GXYLT2: variants seen among roughly 807,000 people sequenced by gnomAD.
GXYLT2 encodes glycosyltransferase 8 domain containing 4.
In GXYLT2, 53 loss-of-function variants were observed where a neutral mutation model predicts 45.8. That is an observed-to-expected ratio of 1.16 (90% CI 0.93 to 1.46). The LOEUF (loss-of-function observed/expected upper bound fraction) is 1.46, where lower values mean the gene tolerates loss of function less well. Ranked by LOEUF, GXYLT2 falls within the 40% of genes most tolerant of loss-of-function variation. The pLI, the probability that GXYLT2 is intolerant of heterozygous loss-of-function variation, is 0.00. For synonymous variants in GXYLT2, 219 were observed against 214.2 expected (o/e 1.02, Z -0.19); for missense variants, 551 against 544.4 (o/e 1.01, Z -0.12).
rs1444705547 is a variant in GXYLT2 at position 72,911,956 on chromosome 3, GGTGTGTGTGTGTGTGTGTGCATGT to G, written c.468+3412_468+3435del. On this transcript the variant is annotated intron_variant, in intron 2 of 6. Transcript: ENST00000389617. ...TTAAATGTATATAATATATAAGTTGGGTGTGTGTGTGTGTGTGTGCATGTGTGTGTGTGTGTGTATATATATATA... is the reference window on the plus strand; with the variant it reads ...TTAAATGTATATAATATATAAGTTGGGTGTGTGTGTGTGTATATATATATA... 4.4e-5 allele frequency among the ~76,000 whole-genome samples: 6 copies of G among 136,402 alleles called. No homozygotes were observed. The East Asian group carries it at 1.2e-3, about 28-fold the overall frequency. 89.5% of individuals were successfully genotyped at this position (136,402 alleles called of 152,430 possible).
intron 1 of GXYLT2, among the ~76,000 whole-genome samples, chr3:72,901,538 T>G (rs1176138033): frequency 6.7e-6 from 1 of 149,378 alleles, no homozygotes; most frequent in African/African-American, 2.5e-5. Context: ...CACCATAGAA[T>G]TTCAGAACAT....
At chr3:72,946,606 T>C (rs552365548) in intron 3 of GXYLT2, among the ~76,000 whole-genome samples, 1 of 152,282 alleles carries the variant, frequency 6.6e-6, no homozygotes, top group Admixed American at 6.5e-5. Context: ...CCTCCTGTGG[T>C]GGAAGGGGTG....
chr3:72,969,417 CAG>C (rs1473690540), intron 6 of GXYLT2, among the ~76,000 whole-genome samples: 1 of 151,040 alleles, frequency 6.6e-6, no homozygotes, highest in African/African-American at 2.4e-5. Context: ...AAATTCACGA[CAG>C]AAGAAAACTA....
At chr3:72,947,358 A>G (rs1299678076) in intron 3 of GXYLT2, among the ~76,000 whole-genome samples, 1 of 152,164 alleles carries the variant, frequency 6.6e-6, no homozygotes, top group Non-Finnish European at 1.5e-5. Context: ...AGCAGTAATG[A>G]AAGGTGTAAG....
chr3:72,931,627 C>A (rs936158912), intron 3 of GXYLT2, among the ~76,000 whole-genome samples: 6 of 152,070 alleles, frequency 3.9e-5, no homozygotes, highest in Non-Finnish European at 7.4e-5. Context: ...GTACTTATGG[C>A]AGACACCTAA....
chr3:72,890,144 C>T (rs13075769), intron 1 of GXYLT2, among the ~76,000 whole-genome samples: 39,737 of 151,902 alleles, frequency 0.26, 5,999 homozygotes, highest in Non-Finnish European at 0.34. Flanking sequence ...AACTCCTGAG[C>T]CCAGTGATCC....
At chr3:72,920,819 T>TA (rs1491486551) in intron 2 of GXYLT2, among the ~76,000 whole-genome samples, 3,487 of 96,066 alleles carry the variant, frequency 0.036, 136 homozygotes, top group African/African-American at 0.23. Context: ...TATATATGTA[T>TA]TTTTTTTTTT....
intron 2 of GXYLT2, among the ~76,000 whole-genome samples, chr3:72,920,754 G>T (rs1366570807): frequency 6.6e-6 from 1 of 150,596 alleles, no homozygotes; most frequent in Admixed American, 6.6e-5. Context: ...TTAATAATTT[G>T]GTGCATATCC....
chr3:72,952,429 G>T (rs1256547273), intron 3 of GXYLT2, among the ~76,000 whole-genome samples: 2 of 152,210 alleles, frequency 1.3e-5, no homozygotes, highest in South Asian at 2.1e-4. Flanking sequence ...GGCTAATTCT[G>T]TGGGCTTCAG....
At chr3:72,926,983 G>C (rs1252223594) in intron 3 of GXYLT2, 2 of 152,220 alleles carry the variant, frequency 1.3e-5, no homozygotes, top group African/African-American at 4.8e-5. Context: ...TGTTGCCCAG[G>C]CTAGAGTGCA....
chr3:72,892,308 C>T (rs1709198300), intron 1 of GXYLT2, among the ~76,000 whole-genome samples: 1 of 152,200 alleles, frequency 6.6e-6, no homozygotes, highest in African/African-American at 2.4e-5. Flanking sequence ...AGCGCTCTTA[C>T]TGATTACTCA....
chr3:72,955,183 T>G lies in GXYLT2; in HGVS notation c.686T>G (p.Leu229Arg). ...LRPVDDIWKL[L>R]RLFNSTQLAA... ...CCTGTTGATGACATCTGGAAGCTTC[T>G]GAGGCTGTTTAATTCCACCCAGCTT... The change falls in exon 4 of 7, where the codon CTG (leucine) becomes CGG (arginine). Residue 229 changes from leucine (L) to arginine (R), a missense_variant. Physicochemically the swap from Leu to Arg is moderately radical, Grantham distance 102. Coordinates refer to ENST00000389617, the MANE Select transcript of GXYLT2 (RefSeq NM_001080393.2). The G allele has an allele frequency of 6.2e-7, 1 of 1,614,036 alleles. No homozygotes were observed. Among genetic ancestry groups the G allele is most frequent in the Non-Finnish European group, 8.5e-7 (1 of 1,179,890 alleles).
At chr3:72,948,887 G>A (rs1263003241) in intron 3 of GXYLT2, among the ~76,000 whole-genome samples, 2 of 151,830 alleles carry the variant, frequency 1.3e-5, no homozygotes, top group Admixed American at 1.3e-4. Context: ...GGAGTGGATT[G>A]GAGGGGGCAA....
At chr3:72,897,894 G>T (rs1361826556) in intron 1 of GXYLT2, among the ~76,000 whole-genome samples, 2 of 142,550 alleles carry the variant, frequency 1.4e-5, no homozygotes, top group Admixed American at 1.4e-4. Flanking sequence ...TTTTTTGTTA[G>T]AACCTCTCTA....
intron 1 of GXYLT2, among the ~76,000 whole-genome samples, chr3:72,906,496 T>TTA (rs1405382793): frequency 6.6e-6 from 1 of 152,188 alleles, no homozygotes; most frequent in African/African-American, 2.4e-5. Context: ...ACTGTCTAGC[T>TTA]TTCTATATAA....
chr3:72,930,079 T>G (rs190163797), intron 3 of GXYLT2, among the ~76,000 whole-genome samples: 4 of 150,662 alleles, frequency 2.7e-5, no homozygotes, highest in Admixed American at 1.3e-4. Flanking sequence ...GCCAGGAGAA[T>G]CACTTGAACC....
intron 3 of GXYLT2, among the ~76,000 whole-genome samples, chr3:72,934,491 C>T (rs548681279): frequency 2.5e-4 from 38 of 152,142 alleles, no homozygotes; most frequent in Non-Finnish European, 3.7e-4. Flanking sequence ...GTGGGAAAAA[C>T]GCAGAAGCAA....
rs1711074762 is a variant in GXYLT2, at chr3:72,975,254, G to A, written c.*95G>A. The A allele has an allele frequency of 4.3e-6, 4 of 924,958 alleles. No individual in the cohort carries two copies. Among genetic ancestry groups the A allele is most frequent in the Admixed American group, 3.1e-5 (1 of 32,234 alleles). The allele number at this position is 924,958 out of a possible 1,614,324, so 57.3% of individuals were successfully genotyped here. On this transcript the variant is annotated 3_prime_UTR_variant, in exon 7 of 7. Coordinates refer to ENST00000389617, the MANE Select transcript of GXYLT2 (RefSeq NM_001080393.2). ...GGTCTTTTTGTGTGAATATTTAATG[G>A]TGCTCCATGACTGTTGAGTTTTAAA...
intron 6 of GXYLT2, among the ~76,000 whole-genome samples, chr3:72,973,461 G>A (rs764179726): frequency 2.0e-5 from 3 of 152,190 alleles, no homozygotes; most frequent in Non-Finnish European, 4.4e-5. Flanking sequence ...TCATTCTAAT[G>A]GCAGTGGAAA....
Sources: allele counts gnomAD v4.1 joint callset (sites outside exome capture counted in the v4.1 genomes callset), GRCh38; gene constraint gnomAD v4.1.1; transcripts MANE v1.5; gene names NCBI Gene and HGNC (gene_info 2026-07-23, HGNC 2026-07-21).